SDK1: variants seen among roughly 807,000 people sequenced by gnomAD.
SDK1 encodes protein sidekick-1.
A neutral mutation model predicts 245.5 loss-of-function variants in SDK1; 157 were observed. The ratio of observed to expected loss-of-function variants is 0.64; its 90% CI spans 0.56 to 0.73. The LOEUF is 0.73. Ranked by LOEUF, SDK1 falls within the 30% of genes least tolerant of loss-of-function variation. The pLI is 0.00. For synonymous variants in SDK1, 1,647 were observed against 1,278.5 expected, an observed-to-expected ratio of 1.29 and a Z score of -6.15; for missense variants, 3,583 against 3,002.3, an observed-to-expected ratio of 1.19 and a Z score of -4.52.
At chr7:4,224,952 T>C (rs184333593) in intron 40 of SDK1, among the ~76,000 whole-genome samples, 203 of 119,540 alleles carry the variant, frequency 1.7e-3, no homozygotes, top group Middle Eastern at 7.2e-3. Context: ...CACTGCACTC[T>C]AGCCTGGGCA....
chr7:3,599,027 A>G (rs79715539), intron 1 of SDK1, among the ~76,000 whole-genome samples: 1 of 150,334 alleles, frequency 6.7e-6, no homozygotes, highest in Non-Finnish European at 1.5e-5. Flanking sequence ...AGAAACCACC[A>G]GTCTGGTTTC....
intron 2 of SDK1, among the ~76,000 whole-genome samples, chr7:3,627,800 T>A (rs956543073): frequency 6.6e-6 from 1 of 152,194 alleles, no homozygotes; most frequent in Admixed American, 6.5e-5. Flanking sequence ...GATGAGTGCC[T>A]TATCTGAAGT....
chr7:3,709,301 GAA>G (rs1784969336), intron 4 of SDK1, among the ~76,000 whole-genome samples: 3 of 152,240 alleles, frequency 2.0e-5, no homozygotes, highest in Non-Finnish European at 4.4e-5. Flanking sequence ...TTTCTCCTGA[GAA>G]GTCTGCTGAT....
intron 1 of SDK1, among the ~76,000 whole-genome samples, chr7:3,472,805 T>C (rs1781224582): frequency 1.3e-5 from 2 of 152,286 alleles, no homozygotes; most frequent in Admixed American, 1.3e-4. Flanking sequence ...GAACATAGGG[T>C]AACAGCAAGT....
intron 9 of SDK1, 57 bp from the exon 10 acceptor site, chr7:3,967,261 C>G: frequency 1.5e-6 from 2 of 1,347,934 alleles, no homozygotes. Flanking sequence ...CTCTGCCAGG[C>G]TGATGTGAGC....
intron 4 of SDK1, among the ~76,000 whole-genome samples, chr7:3,696,839 G>T (rs931139394): frequency 6.6e-6 from 1 of 151,760 alleles, no homozygotes; most frequent in Non-Finnish European, 1.5e-5. Flanking sequence ...AAGAACATTT[G>T]ATTGTTTATA....
chr7:4,212,606 G>A (rs1368638904), intron 38 of SDK1, among the ~76,000 whole-genome samples: 1 of 152,188 alleles, frequency 6.6e-6, no homozygotes, highest in Non-Finnish European at 1.5e-5. Flanking sequence ...GAGCCAGGGG[G>A]CCTGGACGAG....
intron 1 of SDK1, among the ~76,000 whole-genome samples, chr7:3,346,759 GTATATA>G (rs1246254632): frequency 1.7e-5 from 2 of 117,300 alleles, no homozygotes; most frequent in African/African-American, 6.9e-5. Flanking sequence ...ATGTGTGTGT[GTATATA>G]TGTATATATG....
intron 1 of SDK1, among the ~76,000 whole-genome samples, chr7:3,483,697 A>G (rs944128028): frequency 6.6e-6 from 1 of 152,150 alleles, no homozygotes; most frequent in African/African-American, 2.4e-5. Flanking sequence ...TATACCTTTT[A>G]TCAGAATTTG....
chr7:3,590,311 T>G (rs1365084005), intron 1 of SDK1, among the ~76,000 whole-genome samples: 1 of 148,896 alleles, frequency 6.7e-6, no homozygotes, highest in Non-Finnish European at 1.5e-5. Flanking sequence ...TTTTTTTTTT[T>G]TTTTTTTTTT....
At chr7:4,206,101 T>A in intron 36 of SDK1, 107 bp downstream of exon 36, 1 of 722,020 alleles carries the variant, frequency 1.4e-6, no homozygotes, top group Non-Finnish European at 2.3e-6. Context: ...GCGCTCCACC[T>A]GGAGAGCTGG....
chr7:4,055,074 C>A (rs1267014419), intron 19 of SDK1, among the ~76,000 whole-genome samples: 3 of 152,210 alleles, frequency 2.0e-5, no homozygotes, highest in Non-Finnish European at 4.4e-5. Flanking sequence ...TGTGTGTTAT[C>A]TTTGTCTGGT....
At chr7:4,192,695 A>T (rs541431047) in intron 35 of SDK1, among the ~76,000 whole-genome samples, 7 of 152,264 alleles carry the variant, frequency 4.6e-5, no homozygotes, top group Admixed American at 2.0e-4. Flanking sequence ...CAAAACATGT[A>T]CGTGACTCCC....
At chr7:3,789,740 T>C (rs1193446433) in intron 4 of SDK1, among the ~76,000 whole-genome samples, 1 of 151,984 alleles carries the variant, frequency 6.6e-6, no homozygotes, top group Non-Finnish European at 1.5e-5. Flanking sequence ...GGAAAAGGGA[T>C]TGGAGAGGAG....
At chr7:4,018,337 T>G (rs77928179) in intron 17 of SDK1, among the ~76,000 whole-genome samples, 2,463 of 152,306 alleles carry the variant, frequency 0.016, 62 homozygotes, top group African/African-American at 0.056. Flanking sequence ...ATTACATGCT[T>G]TTATTATCAT....
intron 1 of SDK1, among the ~76,000 whole-genome samples, chr7:3,426,147 A>C (rs1779670767): frequency 6.6e-6 from 1 of 152,174 alleles, no homozygotes; most frequent in Non-Finnish European, 1.5e-5. Context: ...TAAGCAGTTG[A>C]TTCCGTGTTT....
intron 4 of SDK1, among the ~76,000 whole-genome samples, chr7:3,761,363 C>G (rs1780096205): frequency 1.4e-5 from 2 of 145,068 alleles, no homozygotes; most frequent in African/African-American, 5.1e-5. Flanking sequence ...CTTTTCTTGC[C>G]TTAACACGGT....
intron 5 of SDK1, among the ~76,000 whole-genome samples, chr7:3,913,247 C>G (rs531401389): frequency 6.6e-5 from 10 of 151,906 alleles, no homozygotes; most frequent in African/African-American, 2.4e-4. Context: ...TTCTTGCCTC[C>G]TGGCCCTTCC....
intron 22 of SDK1, among the ~76,000 whole-genome samples, chr7:4,095,910 G>C (rs1166320666): frequency 6.6e-6 from 1 of 152,172 alleles, no homozygotes; most frequent in African/African-American, 2.4e-5. Flanking sequence ...TAGGTGCCTG[G>C]AATTTCCCTT....
Sources: allele counts gnomAD v4.1 joint callset (sites outside exome capture counted in the v4.1 genomes callset), GRCh38; gene constraint gnomAD v4.1.1; transcripts MANE v1.5; gene names NCBI Gene and HGNC (gene_info 2026-07-23, HGNC 2026-07-21).